Variants in GLB1 observed in about 807,000 individuals in gnomAD.
The protein encoded by GLB1 is beta-galactosidase.
GLB1 carries 56 observed loss-of-function variants against 74.0 expected under a neutral mutation model. The ratio of observed to expected loss-of-function variants is 0.76; its 90% confidence interval spans 0.61 to 0.94. The LOEUF (loss-of-function observed/expected upper bound fraction) is 0.94. GLB1 is among the 40% of genes least tolerant of loss of function. The pLI is 0.00. For missense variants in GLB1, 787 were observed against 845.5 expected, an observed-to-expected ratio of 0.93 and a Z score of 0.86; for synonymous variants, 323 against 323.6, an observed-to-expected ratio of 1.00 and a Z score of 0.02.
At chr3:33,086,640 A>C (rs1700512570) in intron 1 of GLB1, among the ~76,000 whole-genome samples, 1 of 152,256 alleles carries the variant, frequency 6.6e-6, no homozygotes, top group East Asian at 1.9e-4. Context: ...GAATCCAACC[A>C]GCCTCTAGCT....
chr3:33,086,529 T>C (rs1700508582), intron 1 of GLB1, among the ~76,000 whole-genome samples: 1 of 152,200 alleles, frequency 6.6e-6, no homozygotes, highest in Admixed American at 6.5e-5. Flanking sequence ...CGGAATTTTC[T>C]AGTGGAGGGA....
intron 10 of GLB1, among the ~76,000 whole-genome samples, chr3:33,031,861 G>C (rs1309803270): frequency 2.0e-5 from 3 of 151,674 alleles, no homozygotes; most frequent in African/African-American, 7.3e-5. Flanking sequence ...GCAATGGCAT[G>C]ATCTCGGCTC....
rs55770650 is a variant in GLB1 at position 33,002,347 on chromosome 3, C to T, written c.1735-5003G>A. On this transcript the variant is annotated intron_variant, in intron 15 of 15. Transcript: ENST00000307363. ...AGTCTCCCTCCCTCCCTCCCTCCCT[C>T]CCTTCCTTCCTTCCTTCCATCCTTC... 2.5e-4 allele frequency among the ~76,000 whole-genome samples: 29 copies of T among 114,316 alleles called. 2 individuals carry two copies. In the Middle Eastern group the frequency reaches 0.021, roughly 83 times the overall value. 75.0% of individuals were successfully genotyped at this position (114,316 alleles called of 152,430 possible).
chr3:33,085,526 T>C (rs551803538), intron 1 of GLB1, among the ~76,000 whole-genome samples: 115 of 152,124 alleles, frequency 7.6e-4, no homozygotes, highest in African/African-American at 2.7e-3. Context: ...TTCCTAGCAA[T>C]ACCCAAAGAC....
intron 13 of GLB1, among the ~76,000 whole-genome samples, chr3:33,017,863 AGGCTTCTGAGAGGGT>A (rs1697297957): frequency 6.6e-6 from 1 of 152,176 alleles, no homozygotes; most frequent in South Asian, 2.1e-4. Context: ...GAGACCCCGA[AGGCTTCTGAGAGGGT>A]GGCGCATCAA....
the GLB1 span, among the ~76,000 whole-genome samples, chr3:32,966,172 G>T: frequency 2.6e-5 from 4 of 152,328 alleles, no homozygotes; most frequent in South Asian, 8.3e-4. Flanking sequence ...CCAACAGCTT[G>T]CACTGTGTAC....
At chr3:33,022,165 C>CCTGTATCACAATGTA (rs1697516271) in intron 11 of GLB1, among the ~76,000 whole-genome samples, 1 of 152,174 alleles carries the variant, frequency 6.6e-6, no homozygotes, top group Non-Finnish European at 1.5e-5. Flanking sequence ...TTTTCAGTTG[C>CCTGTATCACAATGTA]TCATCTTTGT....
intron 6 of GLB1, 92 bp from the exon 7 acceptor site, chr3:33,053,641 C>G (rs1323044494): frequency 6.5e-7 from 1 of 1,536,904 alleles, no homozygotes; most frequent in East Asian, 2.3e-5. Context: ...GGCCTGAAGC[C>G]CTGCTACGGT....
chr3:32,999,116 C>T lies in GLB1; in HGVS notation c.1735-1772G>A, dbSNP rs920102093. ...CCAATGCCTACAAAAGAAGGGGGTC[C>T]GTGATTAAAAACCACCTGTCTGTTG... is the stretch of plus-strand genomic sequence containing the variant. On this transcript the variant is annotated intron_variant, in intron 15 of 15. Transcript: ENST00000307363. Among the ~76,000 whole-genome samples the T allele has an allele frequency of 5.9e-5, 9 of 152,044 alleles. No homozygotes were observed. The South Asian group carries it at 6.2e-4, about 11-fold the overall frequency.
At chr3:33,091,228 C>G in intron 1 of GLB1, 1 of 985,490 alleles carries the variant, frequency 1.0e-6, no homozygotes. Context: ...CTCAAAGATA[C>G]ATTTTAAACT....
chr3:33,085,717 G>T (rs1274573639), intron 1 of GLB1, among the ~76,000 whole-genome samples: 1 of 151,820 alleles, frequency 6.6e-6, no homozygotes, highest in Non-Finnish European at 1.5e-5. Flanking sequence ...AAACTATTAG[G>T]GTCTCATCAA....
rs774732235 is a variant in GLB1, at chr3:33,016,847, G to A, written c.1348-7C>T. The A allele has an allele frequency of 3.4e-5, 55 of 1,613,602 alleles. No individual in the cohort carries two copies. Among genetic ancestry groups the A allele is most frequent in the Non-Finnish European group, 4.5e-5 (53 of 1,179,742 alleles). On this transcript the variant is annotated splice_polypyrimidine_tract_variant and splice_region_variant and intron_variant, in intron 13 of 15. Coordinates refer to ENST00000307363, the MANE Select transcript of GLB1 (RefSeq NM_000404.4). ...CAAGGACTCCCTGGGGGATCTGTGGGGTTCAAGACCAAATGACAATTGAAT... is the reference window on the plus strand; with the variant it reads ...CAAGGACTCCCTGGGGGATCTGTGGAGTTCAAGACCAAATGACAATTGAAT...
chr3:33,094,279 GGA>G, intron 1 of GLB1: 1 of 1,515,740 alleles, frequency 6.6e-7, no homozygotes, highest in Non-Finnish European at 8.8e-7. Context: ...CAGTGGCCAA[GGA>G]GAGGTTTCCA....
In GLB1 at chr3:33,014,221, G is replaced by A; in HGVS notation, c.1569C>T (p.His523=). Reference sequence around the variant, plus strand: ...TGTCACGGTGTCCCCAGCCCCCCAGGTGGCTGCACACTGCATCCTCAGTGT... The same window carrying A: ...TGTCACGGTGTCCCCAGCCCCCCAGATGGCTGCACACTGCATCCTCAGTGT... ...PLDTEDAVCS[H]LGGWGHRDSG... The change falls in exon 15 of 16, where the codon CAC becomes CAT. Residue 523 remains histidine, a synonymous_variant. Transcript: ENST00000307363. 1.2e-6 allele frequency: 2 copies of A among 1,614,162 alleles called. No individual in the cohort carries two copies. Among genetic ancestry groups the A allele is most frequent in the Non-Finnish European group, 1.7e-6 (2 of 1,180,028 alleles).
At chr3:33,062,911 A>G (rs904457218) in intron 5 of GLB1, among the ~76,000 whole-genome samples, 1 of 152,224 alleles carries the variant, frequency 6.6e-6, no homozygotes, top group Non-Finnish European at 1.5e-5. Context: ...ATGTGCACAA[A>G]TGCATGATGT....
intron 6 of GLB1, among the ~76,000 whole-genome samples, chr3:33,057,067 G>C (rs1699253318): frequency 6.6e-6 from 1 of 152,240 alleles, no homozygotes; most frequent in Non-Finnish European, 1.5e-5. Context: ...GCAGGCGACT[G>C]GATCGTGGGG....
At chr3:33,042,130 C>T (rs1698526240) in intron 10 of GLB1, among the ~76,000 whole-genome samples, 2 of 152,106 alleles carry the variant, frequency 1.3e-5, no homozygotes, top group Admixed American at 1.3e-4. Context: ...AATCACCTCT[C>T]ACTGAGATGG....
At chr3:32,967,702 A>G in the GLB1 span, among the ~76,000 whole-genome samples, 1 of 152,174 alleles carries the variant, frequency 6.6e-6, no homozygotes, top group Non-Finnish European at 1.5e-5. Flanking sequence ...GAGCTCGCCC[A>G]TGAATGGAGA....
the GLB1 span, among the ~76,000 whole-genome samples, chr3:32,970,960 G>T: frequency 1.3e-5 from 2 of 152,142 alleles, no homozygotes; most frequent in African/African-American, 4.8e-5. Context: ...CTTGTACTTT[G>T]ATGCCTGCCA....
Sources: allele counts gnomAD v4.1 joint callset (sites outside exome capture counted in the v4.1 genomes callset), GRCh38; gene constraint gnomAD v4.1.1; transcripts MANE v1.5; gene names NCBI Gene and HGNC (gene_info 2026-07-23, HGNC 2026-07-21).